Variants in FBXO27 observed in about 807,000 individuals in gnomAD.
FBXO27 encodes the protein F-box protein 27.
Under a neutral mutation model 28.3 loss-of-function variants are expected in FBXO27, and 28 were observed. The observed-to-expected ratio is 0.99, with a 90% CI of 0.73 to 1.36. FBXO27 has a LOEUF of 1.36. Ranked by LOEUF, FBXO27 falls within the 40% of genes most tolerant of loss-of-function variation. The probability of loss-of-function intolerance (pLI) is 0.00; values close to 1 mark genes in which losing one functional copy is unlikely to be tolerated. For synonymous variants in FBXO27, 175 were observed against 167.3 expected (o/e 1.05, Z -0.36); for missense variants, 388 against 394.1 (o/e 0.98, Z 0.13).
chr19:39,009,338 T>C (rs2072784025), intron 2 of FBXO27, among the ~76,000 whole-genome samples: 1 of 152,202 alleles, frequency 6.6e-6, no homozygotes, highest in South Asian at 2.1e-4. Context: ...GCAGTAGAAT[T>C]CTACGTTTAG....
intron 4 of FBXO27, among the ~76,000 whole-genome samples, chr19:39,027,642 T>C (rs2072880573): frequency 6.6e-6 from 1 of 151,998 alleles, no homozygotes; most frequent in Non-Finnish European, 1.5e-5. Flanking sequence ...CAGTGAATTA[T>C]TGAATTGTGA....
chr19:39,031,979 C>CA lies in FBXO27; in HGVS notation c.248dup (p.His84AlafsTer12), dbSNP rs750032815. 1 of 1,523,598 alleles carries CA rather than the reference C, an allele frequency of 6.6e-7. No individual in the cohort carries two copies. Among genetic ancestry groups the CA allele is most frequent in the South Asian group, 1.3e-5 (1 of 79,568 alleles). 94.4% of individuals were successfully genotyped at this position (1,523,598 alleles called of 1,614,324 possible). On this transcript the variant is annotated frameshift_variant, in exon 2 of 6. Transcript: ENST00000292853. LOFTEE classifies it high-confidence loss of function. ...GAGACTGGCAGCTGCGGGCGAGGTG[C>CA]AGCAGCGCGCGGCCGGTGGCGCCGT...
At chr19:39,022,120 GT>G (rs1041696199), downstream of FBXO27, among the ~76,000 whole-genome samples, 3 of 133,894 alleles carry the variant, frequency 2.2e-5, no homozygotes, top group African/African-American at 8.2e-5. Flanking sequence ...CTTTGTGGAA[GT>G]TTTTTTCCCC....
At chr19:39,010,445 G>A (rs1353749856) in intron 2 of FBXO27, among the ~76,000 whole-genome samples, 1 of 152,102 alleles carries the variant, frequency 6.6e-6, no homozygotes, top group Non-Finnish European at 1.5e-5. Flanking sequence ...CTGGACTCTC[G>A]ATTCTATTCC....
chr19:39,025,320 A>C lies in FBXO27; in HGVS notation c.*91T>G. On this transcript the variant is annotated 3_prime_UTR_variant, in exon 6 of 6. Coordinates refer to ENST00000292853, the MANE Select transcript of FBXO27 (RefSeq NM_178820.5). ...ATTCTCAGTATGCCAGGGAGGTACA[A>C]GTGCTTGGTTGGTTAATGAGGGGTC... is the stretch of plus-strand genomic sequence containing the variant. The C allele has an allele frequency of 6.8e-7, 1 of 1,481,054 alleles. No individual in the cohort carries two copies. The highest frequency in any genetic ancestry group is 9.1e-7 in the Non-Finnish European group (1 of 1,102,156). 91.7% of individuals were successfully genotyped at this position (1,481,054 alleles called of 1,614,324 possible). A position where few individuals can be genotyped will look rare whatever the true frequency, so the allele number is the denominator to read the frequency against.
downstream of FBXO27, among the ~76,000 whole-genome samples, chr19:39,022,146 CTTTTTTT>C (rs532602600): frequency 3.1e-4 from 28 of 89,054 alleles, no homozygotes; most frequent in East Asian, 1.7e-3. Flanking sequence ...ATTTTCTATT[CTTTTTTT>C]TTTTTTTTTT....
At chr19:39,021,218 T>TA (rs1403270588), downstream of FBXO27, among the ~76,000 whole-genome samples, 1 of 152,152 alleles carries the variant, frequency 6.6e-6, no homozygotes, top group Non-Finnish European at 1.5e-5. Context: ...GAACTGACAC[T>TA]AAAGCAAACC....
At chr19:39,028,858 T>C (rs1222564409) in intron 4 of FBXO27, among the ~76,000 whole-genome samples, 1 of 151,230 alleles carries the variant, frequency 6.6e-6, no homozygotes, top group Admixed American at 6.6e-5. Flanking sequence ...TGAAACTTTG[T>C]CTCAAAAAAA....
Position 39,031,248 on chromosome 19 carries a change from G to A in FBXO27, c.437C>T (p.Pro146Leu). ...GAAGCACGTCTGAGAAGGGGCCCCA[G>A]GCACGGTTGTCCTGTTTTCCTCCAC... ...WVVEENRTTVPGAPSQTCFVT... is the reference protein window; with the variant it reads ...WVVEENRTTVLGAPSQTCFVT... Residue 146 changes from proline (P) to leucine (L), a missense_variant, in exon 3 of 6, where the codon CCT (proline) becomes CTT (leucine). Coordinates refer to ENST00000292853, the MANE Select transcript of FBXO27 (RefSeq NM_178820.5). 6.2e-7 allele frequency: 1 copy of A among 1,614,152 alleles called. No individual in the cohort carries two copies. The highest frequency in any genetic ancestry group is 1.1e-5 in the South Asian group (1 of 91,066).
At chr19:39,026,440 T>A (rs567021380) in intron 5 of FBXO27, among the ~76,000 whole-genome samples, 1 of 152,102 alleles carries the variant, frequency 6.6e-6, no homozygotes, top group Non-Finnish European at 1.5e-5. Flanking sequence ...CTGAAATTAC[T>A]GACTCACAGA....
At chr19:39,012,419 G>A (rs2072799917) in intron 2 of FBXO27, among the ~76,000 whole-genome samples, 1 of 145,464 alleles carries the variant, frequency 6.9e-6, no homozygotes, top group East Asian at 2.2e-4. Flanking sequence ...CCCGACCTCA[G>A]GAGATCCACC....
chr19:39,030,762 C>A, intron 4 of FBXO27: 1 of 478,408 alleles, frequency 2.1e-6, no homozygotes, highest in East Asian at 4.0e-5. Context: ...ACTACCAGGC[C>A]CGGCTAATTT....
chr19:39,029,830 A>T (rs1205876338), intron 4 of FBXO27, among the ~76,000 whole-genome samples: 1 of 152,078 alleles, frequency 6.6e-6, no homozygotes, highest in Non-Finnish European at 1.5e-5. Context: ...GTGTGACCAG[A>T]CCAGGGCAAG....
At chr19:39,028,940 G>A (rs1394900675) in intron 4 of FBXO27, among the ~76,000 whole-genome samples, 2 of 151,802 alleles carry the variant, frequency 1.3e-5, no homozygotes, top group African/African-American at 2.4e-5. Context: ...TACTCAGGAG[G>A]CTGAGGTGGG....
At chr19:39,007,958 T>C (rs62121529) in intron 2 of FBXO27, among the ~76,000 whole-genome samples, 29,233 of 152,096 alleles carry the variant, frequency 0.19, 3,431 homozygotes, top group South Asian at 0.38. Flanking sequence ...TGCCTGTGTT[T>C]TGGCTATTTA....
intron 2 of FBXO27, among the ~76,000 whole-genome samples, chr19:39,012,849 A>T (rs1205178977): frequency 6.6e-6 from 1 of 152,034 alleles, no homozygotes; most frequent in Non-Finnish European, 1.5e-5. Flanking sequence ...AGTCCTAGGT[A>T]CTTGGGAGGC....
downstream of FBXO27, among the ~76,000 whole-genome samples, chr19:39,023,379 T>C (rs199749612): frequency 2.6e-5 from 4 of 152,202 alleles, no homozygotes; most frequent in Non-Finnish European, 5.9e-5. Context: ...ATAGATTTAA[T>C]TTCTTTTACT....
In FBXO27 at chr19:39,031,362, G is replaced by A. The variant is rs199569183; in HGVS notation, c.365-42C>T. ...GCTTGTGCCCAAGTTCCAGTCGCCC[G>A]CCTGTTGGTTCCTAGTGAGACCCCG... On this transcript the variant is annotated intron_variant, in intron 2 of 5. Coordinates refer to ENST00000292853, the MANE Select transcript of FBXO27 (RefSeq NM_178820.5). 2.0e-5 allele frequency: 32 copies of A among 1,593,598 alleles called. No homozygotes were observed. The East Asian group carries it at 6.3e-4, about 31-fold the overall frequency.
At chr19:39,006,026 CAG>C (rs1453727028) in intron 2 of FBXO27, among the ~76,000 whole-genome samples, 2 of 152,144 alleles carry the variant, frequency 1.3e-5, no homozygotes, top group Non-Finnish European at 2.9e-5. Flanking sequence ...TGGGGACACA[CAG>C]AAAAGTCTCT....
Sources: allele counts gnomAD v4.1 joint callset (sites outside exome capture counted in the v4.1 genomes callset), GRCh38; gene constraint gnomAD v4.1.1; transcripts MANE v1.5; gene names NCBI Gene and HGNC (gene_info 2026-07-23, HGNC 2026-07-21).